Variants in AUH observed in about 807,000 individuals in gnomAD.
AUH encodes methylglutaconyl-CoA hydratase, mitochondrial.
In AUH, 29 loss-of-function variants were observed where a neutral mutation model predicts 42.3. The observed-to-expected ratio is 0.69, with a 90% CI of 0.51 to 0.93. The LOEUF (loss-of-function observed/expected upper bound fraction) is 0.93. Ranked by LOEUF, AUH falls within the 40% of genes least tolerant of loss-of-function variation. The pLI is 0.00. For missense variants in AUH, 452 were observed against 438.1 expected (o/e 1.03, Z -0.28); for synonymous variants, 174 against 166.4 (o/e 1.05, Z -0.35).
intron 7 of AUH, among the ~76,000 whole-genome samples, chr9:91,219,630 T>C (rs1338755570): frequency 6.6e-6 from 1 of 152,172 alleles, no homozygotes. Flanking sequence ...GGGGAATAAA[T>C]TATATAATGG....
chr9:91,252,918 TGTA>T (rs1433449147), intron 6 of AUH, among the ~76,000 whole-genome samples: 1 of 152,248 alleles, frequency 6.6e-6, no homozygotes, highest in Non-Finnish European at 1.5e-5. Flanking sequence ...TTTTTGCTTC[TGTA>T]GTAGTTGTTA....
At chr9:91,222,275 C>T (rs1428472840) in intron 6 of AUH, among the ~76,000 whole-genome samples, 1 of 152,036 alleles carries the variant, frequency 6.6e-6, no homozygotes, top group African/African-American at 2.4e-5. Context: ...ACATGTTTAA[C>T]AAAGTATGCC....
chr9:91,309,012 G>A (rs1463983234), intron 4 of AUH, among the ~76,000 whole-genome samples: 2 of 151,596 alleles, frequency 1.3e-5, no homozygotes, highest in South Asian at 2.1e-4. Context: ...GGCTGGTCTC[G>A]AACTCCTGAC....
chr9:91,358,081 A>G (rs1832572077), intron 1 of AUH, among the ~76,000 whole-genome samples: 1 of 152,190 alleles, frequency 6.6e-6, no homozygotes, highest in Non-Finnish European at 1.5e-5. Flanking sequence ...GTGGTGGTAA[A>G]AATAAAGGAA....
chr9:91,274,504 T>A (rs945214187), intron 6 of AUH, among the ~76,000 whole-genome samples: 3 of 152,234 alleles, frequency 2.0e-5, no homozygotes, highest in Admixed American at 2.0e-4. Context: ...TTTAGGATTT[T>A]ACAATACAGT....
chr9:91,351,729 C>T (rs1360198546), intron 3 of AUH, among the ~76,000 whole-genome samples: 2 of 152,264 alleles, frequency 1.3e-5, no homozygotes, highest in African/African-American at 2.4e-5. Flanking sequence ...CAAACCCTAC[C>T]GTGAACTACG....
intron 6 of AUH, among the ~76,000 whole-genome samples, chr9:91,293,823 T>C (rs1167697676): frequency 6.6e-6 from 1 of 152,206 alleles, no homozygotes; most frequent in Non-Finnish European, 1.5e-5. Context: ...ATCCAGGACT[T>C]TCATAGCTAC....
At position 91,297,264 on chromosome 9, in the gene AUH, T is replaced by C. The variant is rs112192669; in HGVS notation, c.598+720A>G. Among the ~76,000 whole-genome samples the C allele has an allele frequency of 5.6e-3, 846 of 152,318 alleles. 8 individuals carry two copies. The highest frequency in any genetic ancestry group is 6.1e-3 in the Non-Finnish European group (414 of 68,034). ...AAAGTACCTGCTCTGAGGGTTGTTA[T>C]GCAGATGGAGTGAGTGAATACATGT... On this transcript the variant is annotated intron_variant, in intron 5 of 9. Coordinates refer to ENST00000375731, the MANE Select transcript of AUH (RefSeq NM_001698.3).
At position 91,297,749 on chromosome 9, in the gene AUH, G is replaced by A. The variant is rs75779763; in HGVS notation, c.598+235C>T. Reference sequence around the variant, plus strand: ...CTGGGATTAGAGGTGCAAGCCACGCGCCTGGTCCAGGACCTAAGATTCAAA... The same window carrying A: ...CTGGGATTAGAGGTGCAAGCCACGCACCTGGTCCAGGACCTAAGATTCAAA... On this transcript the variant is annotated intron_variant, in intron 5 of 9. Transcript: ENST00000375731. 0.15 allele frequency among the ~76,000 whole-genome samples: 23,515 copies of A among 151,796 alleles called. 2,519 individuals are homozygous for A. The highest frequency in any genetic ancestry group is 0.31 in the African/African-American group (12,796 of 41,354).
intron 4 of AUH, among the ~76,000 whole-genome samples, chr9:91,318,216 G>A (rs977981755): frequency 6.6e-5 from 10 of 152,170 alleles, no homozygotes; most frequent in Non-Finnish European, 1.2e-4. Context: ...TCAAAAAACT[G>A]GGTCTGGTGC....
intron 8 of AUH, 74 bp from the exon 9 acceptor site, chr9:91,216,180 T>C (rs1419849100): frequency 5.0e-6 from 7 of 1,390,684 alleles, no homozygotes; most frequent in South Asian, 2.3e-5. Context: ...GAAATTCAAA[T>C]TGAATAACCT....
chr9:91,238,774 G>C (rs751462056), intron 6 of AUH, among the ~76,000 whole-genome samples: 9 of 152,112 alleles, frequency 5.9e-5, no homozygotes, highest in Non-Finnish European at 8.8e-5. Flanking sequence ...TCTTAGCAGA[G>C]GCTTAAAGCA....
At chr9:91,304,830 T>C (rs1472524580) in intron 4 of AUH, among the ~76,000 whole-genome samples, 1 of 152,228 alleles carries the variant, frequency 6.6e-6, no homozygotes, top group Non-Finnish European at 1.5e-5. Flanking sequence ...CATAAGCAAG[T>C]ACTGGTGGAG....
chr9:91,234,047 T>C (rs559200762), intron 6 of AUH, among the ~76,000 whole-genome samples: 1 of 152,298 alleles, frequency 6.6e-6, no homozygotes, highest in African/African-American at 2.4e-5. Flanking sequence ...GAGAGAGACT[T>C]CTAAACAAGT....
Position 91,353,922 on chromosome 9 carries a change from T to A in AUH, c.418+1961A>T, listed in dbSNP as rs112036589. ...CATGTGTGGCCTGTAATTCCAGCCC[T>A]TTGGGATGCCGAGGCAGGTGGATCA... On this transcript the variant is annotated intron_variant, in intron 3 of 9. Transcript: ENST00000375731. 3.3e-5 allele frequency among the ~76,000 whole-genome samples: 5 copies of A among 151,416 alleles called. No individual in the cohort carries two copies. In the East Asian group the frequency reaches 9.7e-4, roughly 29 times the overall value.
chr9:91,324,287 G>A (rs903304108), intron 4 of AUH, among the ~76,000 whole-genome samples: 3 of 152,060 alleles, frequency 2.0e-5, no homozygotes, highest in Non-Finnish European at 4.4e-5. Context: ...AGGATCGCTT[G>A]AGGCAGGAGT....
intron 4 of AUH, among the ~76,000 whole-genome samples, chr9:91,298,952 C>T (rs757451806): frequency 7.2e-5 from 11 of 152,218 alleles, no homozygotes; most frequent in Non-Finnish European, 1.5e-4. Context: ...GGCGCTGTGG[C>T]TCACGCCTGT....
At chr9:91,328,303 CAT>C (rs1365747734) in intron 3 of AUH, among the ~76,000 whole-genome samples, 1 of 152,172 alleles carries the variant, frequency 6.6e-6, no homozygotes, top group Non-Finnish European at 1.5e-5. Context: ...AAAAAACTCA[CAT>C]AGACTTCCAC....
At chr9:91,330,904 T>C (rs998413362) in intron 3 of AUH, among the ~76,000 whole-genome samples, 3 of 152,308 alleles carry the variant, frequency 2.0e-5, no homozygotes, top group Admixed American at 2.0e-4. Context: ...GGGAGATGGG[T>C]AATGATAAGG....
Sources: allele counts gnomAD v4.1 joint callset (sites outside exome capture counted in the v4.1 genomes callset), GRCh38; gene constraint gnomAD v4.1.1; transcripts MANE v1.5; gene names NCBI Gene and HGNC (gene_info 2026-07-23, HGNC 2026-07-21).